MGAT5B: variants seen among roughly 807,000 people sequenced by gnomAD.
MGAT5B encodes the protein N-acetylglucosaminyl-transferase Vb.
MGAT5B carries 54 observed loss-of-function variants against 95.1 expected under a neutral mutation model. The ratio of observed to expected loss-of-function variants is 0.57; its 90% confidence interval spans 0.46 to 0.71. MGAT5B has a LOEUF of 0.71. Ranked by LOEUF, MGAT5B falls within the 30% of genes least tolerant of loss-of-function variation. The pLI is 0.00. For synonymous variants in MGAT5B, 464 were observed against 451.0 expected (o/e 1.03, Z -0.36); for missense variants, 935 against 1,088.6 (o/e 0.86, Z 1.99).
At position 76,915,285 on chromosome 17, in the gene MGAT5B, GGA is replaced by G. The variant is rs144294761; in HGVS notation, c.1025+9103_1025+9104del. ...CAGGGACAGCTCTTCTGCCCTGAGA[GGA>G]GAGAAGGAGAAGAGACCAGGGTATA... On this transcript the variant is annotated intron_variant, in intron 8 of 17. Coordinates refer to ENST00000569840, the MANE Select transcript of MGAT5B (RefSeq NM_001199172.2). The surrounding 1 kb of genome is among the most constrained non-coding windows in gnomAD (Gnocchi z 8.7). Among the ~76,000 whole-genome samples the G allele has an allele frequency of 1.3e-5, 2 of 151,708 alleles. No homozygotes were observed. Among genetic ancestry groups the G allele is most frequent in the Non-Finnish European group, 2.9e-5 (2 of 67,916 alleles).
chr17:76,901,884 C>T (rs1968325108), intron 3 of MGAT5B, among the ~76,000 whole-genome samples: 2 of 152,268 alleles, frequency 1.3e-5, no homozygotes, highest in African/African-American at 4.8e-5. Context: ...AATTCCTCTG[C>T]CTGTTTCAGC....
rs1212344645 is a variant in MGAT5B at position 76,870,529 on chromosome 17, C to G, written c.68+1432C>G. Among the ~76,000 whole-genome samples, 1 of 152,144 alleles carries G rather than the reference C, an allele frequency of 6.6e-6. No homozygotes were observed. The highest frequency in any genetic ancestry group is 1.9e-4 in the East Asian group (1 of 5,172). ...CCGGGCCGCTGGGTGTTTCCTGGCG[C>G]GATTGGAAGCAGCCGCGAGACCCCA... On this transcript the variant is annotated intron_variant, in intron 1 of 17. Coordinates refer to ENST00000569840, the MANE Select transcript of MGAT5B (RefSeq NM_001199172.2). This position sits in a 1 kb window ranked among gnomAD's most constrained non-coding sequence, Gnocchi z 5.0.
chr17:76,870,099 C>T lies in MGAT5B; in HGVS notation c.68+1002C>T, dbSNP rs1032203614. ...TGGGCTCCGGGCGCGGGAAGGAGCCCGAGAAGGCGGAGCTTGCAGGGGCCC... is the reference window on the plus strand; with the variant it reads ...TGGGCTCCGGGCGCGGGAAGGAGCCTGAGAAGGCGGAGCTTGCAGGGGCCC... On this transcript the variant is annotated intron_variant, in intron 1 of 17. Transcript: ENST00000569840. The surrounding 1 kb of genome is among the most constrained non-coding windows in gnomAD (Gnocchi z 5.0). Among the ~76,000 whole-genome samples, 2 of 152,142 alleles carry T rather than the reference C, an allele frequency of 1.3e-5. No homozygotes were observed. Among genetic ancestry groups the T allele is most frequent in the African/African-American group, 2.4e-5 (1 of 41,444 alleles).
chr17:76,948,916 C>T lies in MGAT5B; in HGVS notation c.*78C>T. On this transcript the variant is annotated 3_prime_UTR_variant, in exon 18 of 18. Coordinates refer to ENST00000569840, the MANE Select transcript of MGAT5B (RefSeq NM_001199172.2). The stretch of plus-strand genomic sequence containing the variant: ...GAGAAAGCACCAGCAGGTTCTGAGC[C>T]CTGGCTGCTTGTCCTCCTCGCAACC... 1 of 1,439,796 alleles carries T rather than the reference C, an allele frequency of 6.9e-7. No individual in the cohort carries two copies. 89.2% of individuals were successfully genotyped at this position (1,439,796 alleles called of 1,614,324 possible). A position where few individuals can be genotyped will look rare whatever the true frequency, so the allele number is the denominator to read the frequency against.
chr17:76,922,099 G>A (rs147677913), intron 8 of MGAT5B, among the ~76,000 whole-genome samples: 27 of 152,264 alleles, frequency 1.8e-4, no homozygotes, highest in African/African-American at 6.5e-4. Context: ...CCTGGTGTCT[G>A]GGACTAGGGT....
rs369869977 is a variant in MGAT5B at position 76,897,436 on chromosome 17, C to T, written c.330-5119C>T. On this transcript the variant is annotated intron_variant, in intron 3 of 17. Coordinates refer to ENST00000569840, the MANE Select transcript of MGAT5B (RefSeq NM_001199172.2). ...GCTCGAGGGGAGACTCCTCCCTGCC[C>T]CTTCCTGGCTGCTCCTGGTGGATGC... is the stretch of plus-strand genomic sequence containing the variant. Among the ~76,000 whole-genome samples, 6 of 152,324 alleles carry T rather than the reference C, an allele frequency of 3.9e-5. No homozygotes were observed. The East Asian group carries it at 1.2e-3, about 29-fold the overall frequency.
chr17:76,948,097 C>A lies in MGAT5B; in HGVS notation c.2180+11C>A, dbSNP rs1464542977. The A allele has an allele frequency of 6.4e-7, 1 of 1,561,308 alleles. No homozygotes were observed. Among genetic ancestry groups the A allele is most frequent in the East Asian group, 2.3e-5 (1 of 44,350 alleles). On this transcript the variant is annotated intron_variant, in intron 17 of 17. Transcript: ENST00000569840. ...GGACGCCTTCCTCAAGTGAGTGTTC[C>A]CCCACCCTCCCCACCCAGCCGCTAT...
chr17:76,925,151 T>G (rs1969264400), intron 9 of MGAT5B, 54 bp downstream of exon 9: 2 of 1,602,638 alleles, frequency 1.2e-6, no homozygotes, highest in African/African-American at 1.4e-5. Flanking sequence ...GGGAGAAAGC[T>G]CCTCCTTCAC....
chr17:76,879,199 C>T (rs1013837508), intron 2 of MGAT5B, among the ~76,000 whole-genome samples: 1 of 152,076 alleles, frequency 6.6e-6, no homozygotes, highest in Non-Finnish European at 1.5e-5. Flanking sequence ...GGGGCTCAGG[C>T]GATAGGCAGG....
At position 76,882,154 on chromosome 17, in the gene MGAT5B, T is replaced by C; in HGVS notation, c.185T>C (p.Met62Thr). 6.2e-7 allele frequency: 1 copy of C among 1,609,398 alleles called. No individual in the cohort carries two copies. The highest frequency in any genetic ancestry group is 1.1e-5 in the South Asian group (1 of 90,392). Residue 62 changes from methionine (M) to threonine (T), a missense_variant, in exon 3 of 18, where the codon ATG becomes ACG. Met to Thr is a moderately conservative substitution (Grantham distance 81, BLOSUM62 -1). Transcript: ENST00000569840. Reference protein sequence around the residue: ...DSPFTIRTEVMGGPESRGVLR... With the variant: ...DSPFTIRTEVTGGPESRGVLR... ...CATACCCACACTCTGCCCACAGTGA[T>C]GGGGGGCCCCGAGTCCCGCGGCGTC...
intron 10 of MGAT5B, 120 bp downstream of exon 10, chr17:76,926,850 G>A (rs762556659): frequency 2.4e-5 from 30 of 1,268,398 alleles, no homozygotes; most frequent in Non-Finnish European, 3.0e-5. Context: ...CAGTGGGGTT[G>A]GTGGGACCCA....
Position 76,914,934 on chromosome 17 carries a change from G to A in MGAT5B, c.1025+8747G>A, listed in dbSNP as rs62077161. Among the ~76,000 whole-genome samples, 10,294 of 152,154 alleles carry A rather than the reference G, an allele frequency of 0.068. 589 individuals are homozygous for A. Among genetic ancestry groups the A allele is most frequent in the Admixed American group, 0.17 (2,575 of 15,278 alleles). On this transcript the variant is annotated intron_variant, in intron 8 of 17. Transcript: ENST00000569840. The surrounding 1 kb of genome is among the most constrained non-coding windows in gnomAD (Gnocchi z 5.1). ...ATTACAGGCGTGAGCCACTGCCCCC[G>A]GCCACGTTTCTTCTTTTTATAAGGA...
At chr17:76,948,587 C>T in intron 17 of MGAT5B, 53 bp from the exon 18 acceptor site, 1 of 1,547,330 alleles carries the variant, frequency 6.5e-7, no homozygotes, top group East Asian at 2.3e-5. Context: ...CCGCCCCAGC[C>T]CTTCTGCCCA....
At chr17:76,937,857 C>A in intron 12 of MGAT5B, 131 bp from the exon 13 acceptor site, 2 of 1,076,598 alleles carry the variant, frequency 1.9e-6, no homozygotes, top group Non-Finnish European at 2.7e-6. Context: ...TCCCAGTGTC[C>A]CACAGCCAGT....
intron 10 of MGAT5B, among the ~76,000 whole-genome samples, chr17:76,929,521 T>C (rs1394134195): frequency 6.6e-6 from 1 of 152,282 alleles, no homozygotes; most frequent in African/African-American, 2.4e-5. Flanking sequence ...TATTTGCTTA[T>C]ACATTTCTTT....
intron 15 of MGAT5B, 31 bp from the exon 16 acceptor site, chr17:76,946,345 C>T (rs974364068): frequency 2.5e-5 from 40 of 1,579,764 alleles, no homozygotes; most frequent in East Asian, 9.3e-5. Flanking sequence ...GGCCTTCTCC[C>T]GCCCCATGTG....
At chr17:76,910,079 C>A (rs1380056666) in intron 8 of MGAT5B, among the ~76,000 whole-genome samples, 2 of 152,182 alleles carry the variant, frequency 1.3e-5, no homozygotes, top group Non-Finnish European at 2.9e-5. Context: ...AGGAACCCGG[C>A]TGGGAGCTGT....
intron 15 of MGAT5B, chr17:76,944,192 T>A (rs1417699227): frequency 6.6e-6 from 1 of 152,198 alleles, no homozygotes; most frequent in Non-Finnish European, 1.5e-5. Flanking sequence ...GGGGGTAATT[T>A]CCAGGCCAGG....
chr17:76,886,556 T>G (rs1967635680), intron 3 of MGAT5B, among the ~76,000 whole-genome samples: 1 of 152,206 alleles, frequency 6.6e-6, no homozygotes, highest in Admixed American at 6.5e-5. Context: ...GAGTTTGGGA[T>G]AGCCTTGAAG....
Sources: gnomAD v4.1 joint callset for allele counts (sites outside exome capture counted in the v4.1 genomes callset) on GRCh38, gnomAD v4.1.1 for gene constraint, Gnocchi (gnomAD v3.1) non-coding constraint, MANE v1.5 for transcripts, NCBI Gene and HGNC (gene_info 2026-07-23, HGNC 2026-07-21) for gene names.